Variants in TMEM50B observed in about 807,000 individuals in gnomAD.
TMEM50B encodes the protein HCV p7-trans-regulated protein 3.
Under a neutral mutation model 23.4 loss-of-function variants are expected in TMEM50B, and 14 were observed. The observed-to-expected ratio is 0.60, with a 90% CI of 0.39 to 0.93. The LOEUF (loss-of-function observed/expected upper bound fraction) is 0.93. Ranked by LOEUF, TMEM50B falls within the 40% of genes least tolerant of loss-of-function variation. The pLI is 0.00. For missense variants in TMEM50B, 159 were observed against 193.0 expected (o/e 0.82, Z 1.04); for synonymous variants, 64 against 62.3 (o/e 1.03, Z -0.13).
intron 8 of TMEM50B, among the ~76,000 whole-genome samples, chr21:33,437,805 G>A (rs2083971868): frequency 6.6e-6 from 1 of 152,006 alleles, no homozygotes; most frequent in Non-Finnish European, 1.5e-5. Flanking sequence ...GCAACATGGT[G>A]AAACCCTGTC....
At chr21:33,452,534 G>A (rs1044851361) in intron 6 of TMEM50B, among the ~76,000 whole-genome samples, 4 of 152,114 alleles carry the variant, frequency 2.6e-5, no homozygotes, top group African/African-American at 7.2e-5. Context: ...GAGAAACCTC[G>A]GAATACATGA....
intron 8 of TMEM50B, among the ~76,000 whole-genome samples, chr21:33,435,007 C>T (rs1020835010): frequency 2.6e-5 from 4 of 152,172 alleles, no homozygotes; most frequent in African/African-American, 9.7e-5. Context: ...AATCATGTTT[C>T]ACTTATAATT....
At chr21:33,452,787 T>C (rs1432312577) in intron 6 of TMEM50B, among the ~76,000 whole-genome samples, 3 of 151,982 alleles carry the variant, frequency 2.0e-5, no homozygotes, top group Non-Finnish European at 1.5e-5. Context: ...TAAGGGAAAA[T>C]AGGTCCAAAA....
intron 1 of TMEM50B, among the ~76,000 whole-genome samples, chr21:33,474,944 C>CA (rs1333558587): frequency 6.6e-6 from 1 of 150,666 alleles, no homozygotes; most frequent in Non-Finnish European, 1.5e-5. Flanking sequence ...CCACCACCCC[C>CA]AAGACAGAGT....
intron 8 of TMEM50B, among the ~76,000 whole-genome samples, chr21:33,433,244 G>A (rs530838053): frequency 1.8e-4 from 28 of 152,264 alleles, no homozygotes; most frequent in Admixed American, 1.8e-3. Flanking sequence ...ACCCCTAAGA[G>A]TGCAGCTGTG....
At chr21:33,467,212 T>C in intron 2 of TMEM50B, 90 bp from the exon 3 acceptor site, 2 of 1,204,146 alleles carry the variant, frequency 1.7e-6, no homozygotes, top group East Asian at 4.9e-5. Flanking sequence ...ACAGATCATA[T>C]AAATGGGCTG....
chr21:33,456,168 T>C (rs1165315904), intron 5 of TMEM50B: 1 of 465,466 alleles, frequency 2.1e-6, no homozygotes, highest in African/African-American at 2.0e-5. Context: ...ATTTATTTTC[T>C]TTCATGAATT....
intron 2 of TMEM50B, 25 bp from the exon 3 acceptor site, chr21:33,467,147 A>C (rs1466278123): frequency 6.4e-7 from 1 of 1,564,620 alleles, no homozygotes; most frequent in Non-Finnish European, 8.8e-7. Flanking sequence ...CAAGTCACTG[A>C]AACATTAAAA....
intron 2 of TMEM50B, among the ~76,000 whole-genome samples, chr21:33,467,904 A>AAAATACT (rs2084278711): frequency 2.6e-5 from 4 of 152,148 alleles, no homozygotes; most frequent in African/African-American, 9.7e-5. Context: ...ATGCTGTGGG[A>AAAATACT]GCCAGGAATG....
At chr21:33,460,659 T>C (rs1341814015) in intron 4 of TMEM50B, among the ~76,000 whole-genome samples, 154 bp from the exon 5 acceptor site, 1 of 111,722 alleles carries the variant, frequency 9.0e-6, no homozygotes, top group Non-Finnish European at 1.7e-5. Context: ...GTTAAATGAA[T>C]GATGATTTAA....
At chr21:33,476,470 T>G (rs1341580807) in intron 1 of TMEM50B, among the ~76,000 whole-genome samples, 1 of 152,108 alleles carries the variant, frequency 6.6e-6, no homozygotes, top group Admixed American at 6.6e-5. Flanking sequence ...TAAAATCTTT[T>G]AAGTTATAAC....
chr21:33,467,676 T>G (rs1008211710), intron 2 of TMEM50B, among the ~76,000 whole-genome samples: 2 of 152,210 alleles, frequency 1.3e-5, no homozygotes, highest in Non-Finnish European at 2.9e-5. Flanking sequence ...GGCATGTGCC[T>G]CTAATCCTAG....
intron 5 of TMEM50B, among the ~76,000 whole-genome samples, chr21:33,459,837 CAGTAAGGGAA>C (rs576426087): frequency 9.5e-4 from 145 of 151,844 alleles, no homozygotes; most frequent in African/African-American, 3.3e-3. Flanking sequence ...GGTTTAAGAA[CAGTAAGGGAA>C]AGCACATATA....
At chr21:33,439,394 T>C (rs2083988211) in intron 7 of TMEM50B, 1 of 151,832 alleles carries the variant, frequency 6.6e-6, no homozygotes, top group Non-Finnish European at 1.5e-5. Context: ...CATTTATTTA[T>C]TTAGAGACAC....
chr21:33,456,611 C>T (rs1018577319), intron 5 of TMEM50B, among the ~76,000 whole-genome samples: 1 of 152,130 alleles, frequency 6.6e-6, no homozygotes, highest in Non-Finnish European at 1.5e-5. Flanking sequence ...GATATCATAG[C>T]AAACAATACA....
rs1246179811 is a variant in TMEM50B, at chr21:33,450,759, T to TA, written c.*58dup. On this transcript the variant is annotated 3_prime_UTR_variant, in exon 7 of 7. Transcript: ENST00000542230. ...CCATTTGGCAATGTGTACTGAGAGA[T>TA]AAAAAACCTATCTACAAACAGAATA... is the stretch of plus-strand genomic sequence containing the variant. 5.0e-5 allele frequency: 73 copies of TA among 1,446,118 alleles called. No individual in the cohort carries two copies. The highest frequency in any genetic ancestry group is 6.5e-5 in the Non-Finnish European group (68 of 1,041,438). The allele number at this position is 1,446,118 out of a possible 1,614,324, so 89.6% of individuals were successfully genotyped here.
chr21:33,470,526 T>C (rs1467468758), intron 1 of TMEM50B, among the ~76,000 whole-genome samples: 4 of 147,110 alleles, frequency 2.7e-5, no homozygotes, highest in Non-Finnish European at 5.9e-5. Context: ...AGTCAGGAGA[T>C]AGAGACCATC....
At chr21:33,443,746 G>T (rs948610185) in intron 7 of TMEM50B, among the ~76,000 whole-genome samples, 4 of 152,150 alleles carry the variant, frequency 2.6e-5, no homozygotes, top group African/African-American at 7.2e-5. Flanking sequence ...GTGATGTTTG[G>T]GGGGAAATAT....
At chr21:33,478,949 C>A (rs2084400034) in intron 1 of TMEM50B, 4 of 406,388 alleles carry the variant, frequency 9.8e-6, no homozygotes, top group African/African-American at 4.2e-5. Context: ...GGTCTTACAG[C>A]GCGATGTAAG....
Sources: allele counts gnomAD v4.1 joint callset (sites outside exome capture counted in the v4.1 genomes callset), GRCh38; gene constraint gnomAD v4.1.1; transcripts MANE v1.5; gene names NCBI Gene and HGNC (gene_info 2026-07-23, HGNC 2026-07-21).